The following TIAL1 variants were observed in gnomAD, a reference collection of about 807,000 sequenced individuals.
TIAL1 encodes the protein nucleolysin TIAR.
Under a neutral mutation model 59.7 loss-of-function variants are expected in TIAL1, and 7 were observed. The ratio of observed to expected loss-of-function variants is 0.12; its 90% CI spans 0.07 to 0.22. The LOEUF (loss-of-function observed/expected upper bound fraction) is 0.22, where lower values mean the gene tolerates loss of function less well. Ranked by LOEUF, TIAL1 falls within the 10% of genes least tolerant of loss-of-function variation. The probability of loss-of-function intolerance (pLI) is 1.00; values close to 1 mark genes in which losing one functional copy is unlikely to be tolerated. For synonymous variants in TIAL1, 149 were observed against 146.3 expected, an observed-to-expected ratio of 1.02 and a Z score of -0.13; for missense variants, 225 against 462.5, an observed-to-expected ratio of 0.49 and a Z score of 4.71.
rs1844908861 is a variant in TIAL1 at position 119,574,945 on chromosome 10, C to T, written c.*720G>A. 6.6e-6 allele frequency: 1 copy of T among 152,626 alleles called. No individual in the cohort carries two copies. Among genetic ancestry groups the T allele is most frequent in the African/African-American group, 2.4e-5 (1 of 41,426 alleles). The allele number at this position is 152,626 out of a possible 1,614,324, so 9.5% of individuals were successfully genotyped here. ...GTCTGACTTCAATACAAACACCATA[C>T]TTGGATTTCCCCCCAAAATGAAATG... On this transcript the variant is annotated 3_prime_UTR_variant, in exon 12 of 12. Transcript: ENST00000436547.
At chr10:119,577,340 T>A in intron 9 of TIAL1, 111 bp downstream of exon 9, 1 of 1,433,176 alleles carries the variant, frequency 7.0e-7, no homozygotes, top group East Asian at 2.4e-5. Flanking sequence ...AGCTTAAACT[T>A]CTATACTGCA....
In TIAL1 at chr10:119,582,786, C is replaced by A. The variant is rs1845362015; in HGVS notation, c.130-229G>T. Among the ~76,000 whole-genome samples the A allele has an allele frequency of 6.6e-6, 1 of 152,040 alleles. No homozygotes were observed. The highest frequency in any genetic ancestry group is 2.4e-5 in the African/African-American group (1 of 41,416). ...ATAAAAGCAGTTGTAGAATCATGAG[C>A]ATCAGTATTAAATGAAAATAAAGAA... On this transcript the variant is annotated intron_variant, in intron 2 of 11. Transcript: ENST00000436547. The surrounding 1 kb of genome is among the most constrained non-coding windows in gnomAD (Gnocchi z 5.1).
In TIAL1 at chr10:119,575,792, C is replaced by A; in HGVS notation, c.1002-1G>T. ...CATCCAAGCAGCAGAAGGTGATTGA[C>A]TTGGAAGAAAAAGAAAAAATCTTCA... On this transcript the variant is annotated splice_acceptor_variant, in intron 11 of 11. Coordinates refer to ENST00000436547, the MANE Select transcript of TIAL1 (RefSeq NM_003252.4). LOFTEE classifies it high-confidence loss of function. 3 of 1,514,806 alleles carry A rather than the reference C, an allele frequency of 2.0e-6. No individual in the cohort carries two copies. The highest frequency in any genetic ancestry group is 1.3e-5 in the South Asian group (1 of 78,610). 93.8% of individuals were successfully genotyped at this position (1,514,806 alleles called of 1,614,324 possible).
At position 119,577,750 on chromosome 10, in the gene TIAL1, C is replaced by CA; in HGVS notation, c.557-15dup. The CA allele has an allele frequency of 3.1e-6, 5 of 1,596,430 alleles. No homozygotes were observed. The highest frequency in any genetic ancestry group is 3.4e-6 in the Non-Finnish European group (4 of 1,164,376). On this transcript the variant is annotated splice_polypyrimidine_tract_variant and intron_variant, in intron 7 of 11. Coordinates refer to ENST00000436547, the MANE Select transcript of TIAL1 (RefSeq NM_003252.4). ...GCTTAGTGTTGTCTGTATGCAGAAA[C>CA]AAAACAAAAACGTTGACTGTTATAT... is the stretch of plus-strand genomic sequence containing the variant.
chr10:119,594,972 G>A (rs536475823), intron 1 of TIAL1, among the ~76,000 whole-genome samples: 1 of 152,274 alleles, frequency 6.6e-6, no homozygotes, highest in South Asian at 2.1e-4. Context: ...AGGGAGAGAA[G>A]GCAGAAATGG....
At chr10:119,578,981 T>C in intron 6 of TIAL1, 147 bp from the exon 7 acceptor site, 1 of 631,426 alleles carries the variant, frequency 1.6e-6, no homozygotes, top group Non-Finnish European at 2.8e-6. Flanking sequence ...ACTGAACTAT[T>C]ACCAATTAGA....
chr10:119,583,645 T>C (rs1311211646), intron 2 of TIAL1, among the ~76,000 whole-genome samples: 2 of 152,166 alleles, frequency 1.3e-5, no homozygotes, highest in Admixed American at 6.5e-5. Flanking sequence ...AAAATAAAGA[T>C]CTTTTCAACC....
chr10:119,594,084 G>A (rs1212096323), intron 1 of TIAL1, among the ~76,000 whole-genome samples: 3 of 128,860 alleles, frequency 2.3e-5, no homozygotes, highest in East Asian at 5.0e-4. Context: ...AAAAAAAAAA[G>A]GCCCTATGGA....
intron 7 of TIAL1, among the ~76,000 whole-genome samples, 156 bp from the exon 8 acceptor site, chr10:119,577,892 C>G (rs1418251807): frequency 6.6e-6 from 1 of 152,080 alleles, no homozygotes; most frequent in Non-Finnish European, 1.5e-5. Context: ...GAGTTCGAGA[C>G]CAGCCTGGCC....
At chr10:119,580,038 G>C in intron 5 of TIAL1, 28 bp from the exon 6 acceptor site, 1 of 1,572,422 alleles carries the variant, frequency 6.4e-7, no homozygotes, top group South Asian at 1.2e-5. Flanking sequence ...GCTAAATGAG[G>C]GAAGTAAGAG....
chr10:119,577,112 C>G lies in TIAL1; in HGVS notation c.829G>C (p.Glu277Gln), dbSNP rs1210185328. 1 of 1,613,818 alleles carries G rather than the reference C, an allele frequency of 6.2e-7. No individual in the cohort carries two copies. Among genetic ancestry groups the G allele is most frequent in the Non-Finnish European group, 8.5e-7 (1 of 1,179,916 alleles). ...AAGTTTTTAGTCATATCAGGAGATT[C>G]TTTACCCCAATAGCATTTAACCACA... is the stretch of plus-strand genomic sequence containing the variant. ...GHVVKCYWGKESPDMTKNFQQ... is the reference protein window; with the variant it reads ...GHVVKCYWGKQSPDMTKNFQQ... Residue 277 changes from glutamate (E) to glutamine (Q), a missense_variant, in exon 10 of 12, where the codon GAA (glutamate) becomes CAA (glutamine). Glu to Gln is a conservative substitution (Grantham distance 29, BLOSUM62 2). Coordinates refer to ENST00000436547, the MANE Select transcript of TIAL1 (RefSeq NM_003252.4).
chr10:119,592,914 T>C (rs755498770), intron 1 of TIAL1, among the ~76,000 whole-genome samples: 9 of 152,216 alleles, frequency 5.9e-5, no homozygotes, highest in Admixed American at 2.0e-4. Context: ...TAATAGTTTA[T>C]AGAATTTTCT....
chr10:119,576,466 A>G, intron 11 of TIAL1, 145 bp downstream of exon 11: 1 of 1,123,332 alleles, frequency 8.9e-7, no homozygotes, highest in Non-Finnish European at 1.2e-6. Flanking sequence ...CATAAATCAT[A>G]TTTTGTTAGA....
At position 119,590,762 on chromosome 10, in the gene TIAL1, G is replaced by GAGAAAGAGAGAAAGAA. The variant is rs1446023630; in HGVS notation, c.33-2515_33-2514insTTCTTTCTCTCTTTCT. ...AAAGAGAGAGAGACAGAGAGAAAGA[G>GAGAAAGAGAGAAAGAA]AGAAAGAAAGAAAGAAAGAAAGAAA... On this transcript the variant is annotated intron_variant, in intron 1 of 11. Coordinates refer to ENST00000436547, the MANE Select transcript of TIAL1 (RefSeq NM_003252.4). 3.6e-3 allele frequency among the ~76,000 whole-genome samples: 455 copies of GAGAAAGAGAGAAAGAA among 125,374 alleles called. 4 individuals are homozygous for GAGAAAGAGAGAAAGAA. The highest frequency in any genetic ancestry group is 4.4e-3 in the Non-Finnish European group (263 of 59,788). 82.3% of individuals were successfully genotyped at this position (125,374 alleles called of 152,430 possible).
chr10:119,592,672 C>T (rs1845942872), intron 1 of TIAL1, among the ~76,000 whole-genome samples: 1 of 152,004 alleles, frequency 6.6e-6, no homozygotes, highest in Non-Finnish European at 1.5e-5. Flanking sequence ...TTCAATTTGT[C>T]GGTACAGTAT....
At chr10:119,589,926 T>C (rs185073291) in intron 1 of TIAL1, among the ~76,000 whole-genome samples, 6 of 152,302 alleles carry the variant, frequency 3.9e-5, no homozygotes, top group South Asian at 2.1e-4. Flanking sequence ...ACTTGTAATA[T>C]ATTACATCTG....
chr10:119,584,726 G>A (rs1382479970), intron 2 of TIAL1, among the ~76,000 whole-genome samples: 3 of 152,138 alleles, frequency 2.0e-5, no homozygotes, highest in African/African-American at 7.2e-5. Context: ...CTACTCAGGA[G>A]GCTGAGGCAG....
At chr10:119,577,300 T>C (rs923231782) in intron 9 of TIAL1, 97 bp from the exon 10 acceptor site, 2 of 1,480,680 alleles carry the variant, frequency 1.4e-6, no homozygotes, top group African/African-American at 1.4e-5. Context: ...TGCAAGTTGG[T>C]ATTTTTTTTC....
At chr10:119,596,034 G>A (rs1298491540) in intron 1 of TIAL1, among the ~76,000 whole-genome samples, 2 of 151,300 alleles carry the variant, frequency 1.3e-5, no homozygotes, top group African/African-American at 4.9e-5. Flanking sequence ...CCACCCCCGG[G>A]CCCACCCCCA....
Sources: allele counts gnomAD v4.1 joint callset (sites outside exome capture counted in the v4.1 genomes callset), GRCh38; gene constraint gnomAD v4.1.1; non-coding constraint Gnocchi (gnomAD v3.1); transcripts MANE v1.5; gene names NCBI Gene and HGNC (gene_info 2026-07-23, HGNC 2026-07-21).